Variants in CSNK2A2 observed in about 807,000 individuals in gnomAD.
The protein encoded by CSNK2A2 is casein kinase II subunit alpha'.
A neutral mutation model predicts 54.0 loss-of-function variants in CSNK2A2; 8 were observed. The ratio of observed to expected loss-of-function variants is 0.15; its 90% CI spans 0.09 to 0.27. The LOEUF (loss-of-function observed/expected upper bound fraction) is 0.27, where lower values mean the gene tolerates loss of function less well. Ranked by LOEUF, CSNK2A2 falls within the 10% of genes least tolerant of loss-of-function variation. The pLI is 1.00. For missense variants in CSNK2A2, 242 were observed against 439.4 expected, an observed-to-expected ratio of 0.55 and a Z score of 4.02; for synonymous variants, 141 against 153.9, an observed-to-expected ratio of 0.92 and a Z score of 0.62.
chr16:58,172,088 T>C (rs998879894), intron 5 of CSNK2A2, among the ~76,000 whole-genome samples: 3 of 149,064 alleles, frequency 2.0e-5, no homozygotes, highest in Non-Finnish European at 4.5e-5. Flanking sequence ...TCCCGAAGCA[T>C]TGGGATTTAT....
intron 11 of CSNK2A2, chr16:58,163,222 G>A (rs1355188751): frequency 6.9e-6 from 1 of 144,514 alleles, no homozygotes; most frequent in Non-Finnish European, 1.5e-5. Flanking sequence ...GGATGTGCTG[G>A]GAAATGGTGA....
At chr16:58,161,023 G>A (rs916386698) in intron 11 of CSNK2A2, 41 of 152,278 alleles carry the variant, frequency 2.7e-4, no homozygotes, top group Non-Finnish European at 4.9e-4. Flanking sequence ...CTTGGTCTGC[G>A]TCATACACTC....
intron 4 of CSNK2A2, among the ~76,000 whole-genome samples, chr16:58,179,418 T>C (rs1474487823): frequency 6.6e-6 from 1 of 151,752 alleles, no homozygotes; most frequent in African/African-American, 2.4e-5. Context: ...GGAGAATCGC[T>C]TGAACCCAGG....
intron 2 of CSNK2A2, among the ~76,000 whole-genome samples, chr16:58,188,466 C>T (rs1269227137): frequency 1.3e-5 from 2 of 152,212 alleles, no homozygotes; most frequent in Non-Finnish European, 2.9e-5. Flanking sequence ...TCAAACACGT[C>T]AATGTCATTC....
chr16:58,197,709 C>A lies in CSNK2A2; in HGVS notation c.28G>T (p.Ala10Ser). Reference sequence around the variant, plus strand: ...CTGTTCACCTCGGCGTAGACCCGGGCCCTGCTGCCCGCGGCCGGGCCGGGC... The same window carrying A: ...CTGTTCACCTCGGCGTAGACCCGGGACCTGCTGCCCGCGGCCGGGCCGGGC... MPGPAAGSR[A>S]RVYAEVNSLR... The change falls in exon 1 of 12, where the codon GCC (alanine) becomes TCC (serine). Residue 10 changes from alanine to serine, a missense_variant. Coordinates refer to ENST00000262506, the MANE Select transcript of CSNK2A2 (RefSeq NM_001896.4). This position sits in a 1 kb window ranked among gnomAD's most constrained non-coding sequence, Gnocchi z 4.0. The A allele has an allele frequency of 1.3e-6, 2 of 1,507,978 alleles. No homozygotes were observed. Among genetic ancestry groups the A allele is most frequent in the East Asian group, 2.8e-5 (1 of 35,706 alleles). 93.4% of individuals were successfully genotyped at this position (1,507,978 alleles called of 1,614,324 possible).
intron 2 of CSNK2A2, 105 bp from the exon 3 acceptor site, chr16:58,186,961 ACT>A: frequency 1.2e-6 from 1 of 863,618 alleles, no homozygotes; most frequent in East Asian, 2.6e-5. Context: ...TATCTTGTAC[ACT>A]CTGTTGTGTT....
chr16:58,178,045 A>G (rs1961926011), intron 4 of CSNK2A2, among the ~76,000 whole-genome samples: 1 of 152,186 alleles, frequency 6.6e-6, no homozygotes, highest in Non-Finnish European at 1.5e-5. Context: ...ATAAAAGTAC[A>G]ATTTGTTTCT....
At position 58,165,516 on chromosome 16, in the gene CSNK2A2, C is replaced by T; in HGVS notation, c.976+44G>A. On this transcript the variant is annotated intron_variant, in intron 10 of 11. Coordinates refer to ENST00000262506, the MANE Select transcript of CSNK2A2 (RefSeq NM_001896.4). ...AAAGACAAAGAGTGGAAGATTTGTT[C>T]TCTTGACTGAATTACTCCCTGAACA... 7 of 1,537,174 alleles carry T rather than the reference C, an allele frequency of 4.6e-6. No individual in the cohort carries two copies. The South Asian group carries it at 7.7e-5, about 17-fold the overall frequency.
chr16:58,172,663 G>GCCAAGTTTCCTAGTCGGACT (rs1961774352), intron 5 of CSNK2A2, among the ~76,000 whole-genome samples: 1 of 152,218 alleles, frequency 6.6e-6, no homozygotes, highest in South Asian at 2.1e-4. Flanking sequence ...TAATTCTTTT[G>GCCAAGTTTCCTAGTCGGACT]CCAAGTTTCC....
intron 4 of CSNK2A2, 139 bp from the exon 5 acceptor site, chr16:58,174,649 T>A: frequency 1.9e-6 from 1 of 519,066 alleles, no homozygotes. Flanking sequence ...TGATCTGAAA[T>A]AAATGGGAAG....
chr16:58,196,368 T>C (rs886852305), intron 2 of CSNK2A2, among the ~76,000 whole-genome samples: 2 of 152,116 alleles, frequency 1.3e-5, no homozygotes, highest in African/African-American at 2.4e-5. Flanking sequence ...CCAGCAACTA[T>C]AGGAGGCCTG....
At chr16:58,170,797 A>T (rs1961713420) in intron 5 of CSNK2A2, among the ~76,000 whole-genome samples, 1 of 152,140 alleles carries the variant, frequency 6.6e-6, no homozygotes, top group African/African-American at 2.4e-5. Flanking sequence ...TGCTGATTCA[A>T]ATCTTTCAAT....
intron 2 of CSNK2A2, among the ~76,000 whole-genome samples, chr16:58,194,439 C>G (rs1962383358): frequency 6.6e-6 from 1 of 152,158 alleles, no homozygotes; most frequent in African/African-American, 2.4e-5. Flanking sequence ...CAGACAGGAA[C>G]AAAATCTGGA....
In CSNK2A2 at chr16:58,197,716, GC is replaced by G. The variant is rs1962507961; in HGVS notation, c.20del (p.Gly7AlafsTer10). On this transcript the variant is annotated frameshift_variant, in exon 1 of 12. Coordinates refer to ENST00000262506, the MANE Select transcript of CSNK2A2 (RefSeq NM_001896.4). LOFTEE classifies it high-confidence loss of function. This position sits in a 1 kb window ranked among gnomAD's most constrained non-coding sequence, Gnocchi z 4.0. MPGPAA[G>X]SRARVYAEVN... ...CCTCGGCGTAGACCCGGGCCCTGCT[GC>G]CCGCGGCCGGGCCGGGCATGGCGGG... 1 of 1,488,398 alleles carries G rather than the reference GC, an allele frequency of 6.7e-7. No homozygotes were observed. Among genetic ancestry groups the G allele is most frequent in the Non-Finnish European group, 9.0e-7 (1 of 1,115,742 alleles). The allele number at this position is 1,488,398 out of a possible 1,614,324, so 92.2% of individuals were successfully genotyped here.
intron 2 of CSNK2A2, among the ~76,000 whole-genome samples, chr16:58,195,428 C>A (rs1216239425): frequency 1.3e-5 from 2 of 152,176 alleles, no homozygotes; most frequent in African/African-American, 2.4e-5. Context: ...CCTGACCCCT[C>A]ACATTAAACA....
At chr16:58,159,066 G>C (rs1478355270) in intron 11 of CSNK2A2, 2 of 152,272 alleles carry the variant, frequency 1.3e-5, no homozygotes, top group Non-Finnish European at 1.5e-5. Flanking sequence ...TTGGGTAAAG[G>C]AAGGGTTCCA....
chr16:58,158,066 G>A lies in CSNK2A2; in HGVS notation c.*305C>T, dbSNP rs1406520414. The A allele has an allele frequency of 6.6e-6, 1 of 152,594 alleles. No individual in the cohort carries two copies. The highest frequency in any genetic ancestry group is 1.9e-4 in the East Asian group (1 of 5,190). 9.5% of individuals were successfully genotyped at this position (152,594 alleles called of 1,614,324 possible). On this transcript the variant is annotated 3_prime_UTR_variant, in exon 12 of 12. Transcript: ENST00000262506. Reference sequence around the variant, plus strand: ...ACAGGCGGCCACGGGACGAGTCGAGGGGCTCGGGGAGCAACAGTAACCAAC... The same window carrying A: ...ACAGGCGGCCACGGGACGAGTCGAGAGGCTCGGGGAGCAACAGTAACCAAC...
chr16:58,169,461 T>C (rs1197903288), intron 5 of CSNK2A2, among the ~76,000 whole-genome samples: 3 of 151,220 alleles, frequency 2.0e-5, no homozygotes, highest in Non-Finnish European at 4.4e-5. Context: ...ACCTGGGAGG[T>C]GGAGGCTGCA....
intron 2 of CSNK2A2, among the ~76,000 whole-genome samples, chr16:58,195,297 G>C (rs955064130): frequency 6.6e-5 from 10 of 152,004 alleles, no homozygotes; most frequent in Non-Finnish European, 1.2e-4. Flanking sequence ...GTGTGTCTGA[G>C]AACACAAATA....
Sources: allele counts gnomAD v4.1 joint callset (sites outside exome capture counted in the v4.1 genomes callset), GRCh38; gene constraint gnomAD v4.1.1; non-coding constraint Gnocchi (gnomAD v3.1); transcripts MANE v1.5; gene names NCBI Gene and HGNC (gene_info 2026-07-23, HGNC 2026-07-21).